ZC4H2: variants seen among roughly 807,000 people sequenced by gnomAD.
ZC4H2 encodes the protein zinc finger C4H2 domain-containing protein.
For synonymous variants in ZC4H2, 84 were observed against 66.3 expected (o/e 1.27, Z -1.30); for missense variants, 137 against 173.9 (o/e 0.79, Z 1.19).
intron 1 of ZC4H2, among the ~76,000 whole-genome samples, chrX:64,938,206 A>G (rs1930103071): frequency 8.9e-6 from 1 of 112,021 alleles, no homozygotes; most frequent in South Asian, 3.7e-4. Flanking sequence ...AAATTCCTGG[A>G]CAAATACACC....
chrX:64,994,077 G>A (rs760501171), intron 1 of ZC4H2, among the ~76,000 whole-genome samples: 1 of 112,115 alleles, frequency 8.9e-6, no homozygotes, highest in African/African-American at 3.2e-5. Context: ...AATGCCTCAA[G>A]TATTTTATTT....
chrX:64,926,966 C>T (rs185806834), intron 1 of ZC4H2, among the ~76,000 whole-genome samples: 1 of 111,618 alleles, frequency 9.0e-6, no homozygotes, highest in African/African-American at 3.3e-5. Context: ...TGTTTTCTCA[C>T]TGTTGAGTTT....
intron 1 of ZC4H2, among the ~76,000 whole-genome samples, chrX:64,924,947 G>C (rs1037473853): frequency 2.7e-5 from 3 of 111,246 alleles, no homozygotes; most frequent in African/African-American, 9.8e-5. Context: ...GACGTTATCT[G>C]ATCATCTCAC....
intron 1 of ZC4H2, among the ~76,000 whole-genome samples, chrX:64,940,891 G>C (rs2147374204): frequency 9.0e-6 from 1 of 111,406 alleles, no homozygotes; most frequent in Non-Finnish European, 1.9e-5. Context: ...GCTCTTTTTT[G>C]GTTCCACATG....
chrX:64,952,270 A>G (rs1930884900), intron 1 of ZC4H2, among the ~76,000 whole-genome samples: 1 of 109,474 alleles, frequency 9.1e-6, no homozygotes, highest in South Asian at 3.9e-4. Flanking sequence ...CTTAGGATTG[A>G]CTTGGCAATG....
chrX:64,953,420 C>T (rs1483881884), intron 1 of ZC4H2, among the ~76,000 whole-genome samples: 1 of 112,049 alleles, frequency 8.9e-6, no homozygotes, highest in African/African-American at 3.2e-5. Context: ...GCAATGTACT[C>T]ATCTGACAAA....
intron 3 of ZC4H2, 27 bp from the exon 4 acceptor site, chrX:64,919,231 A>G: frequency 1.7e-6 from 2 of 1,207,417 alleles, no homozygotes; most frequent in South Asian, 1.8e-5. Context: ...CACTGGCTAG[A>G]TCATTCTGAA....
chrX:64,990,618 T>G (rs1932291813), intron 1 of ZC4H2, among the ~76,000 whole-genome samples: 1 of 111,926 alleles, frequency 8.9e-6, no homozygotes, highest in East Asian at 2.8e-4. Context: ...TTGTTTATCT[T>G]GATTACTGAG....
chrX:64,988,044 T>A (rs1182127020), intron 1 of ZC4H2, among the ~76,000 whole-genome samples: 5 of 108,880 alleles, frequency 4.6e-5, no homozygotes, highest in African/African-American at 1.7e-4. Context: ...TTCATCCATG[T>A]CCCTACAAAG....
intron 1 of ZC4H2, among the ~76,000 whole-genome samples, chrX:65,034,382 T>C (rs1402486532): frequency 8.9e-6 from 1 of 111,905 alleles, no homozygotes; most frequent in African/African-American, 3.3e-5. Flanking sequence ...TCAGAGAAGT[T>C]ATTTAGAAAA....
intron 1 of ZC4H2, among the ~76,000 whole-genome samples, chrX:64,991,650 A>T (rs750053503): frequency 2.7e-5 from 3 of 112,084 alleles, no homozygotes; most frequent in Non-Finnish European, 5.6e-5. Flanking sequence ...TACCCATATG[A>T]CTCATTAATT....
At chrX:64,936,216 T>A (rs1002822788) in intron 1 of ZC4H2, among the ~76,000 whole-genome samples, 2 of 108,502 alleles carry the variant, frequency 1.8e-5, no homozygotes, top group African/African-American at 6.7e-5. Flanking sequence ...GAAGACAAGA[T>A]TAGAGAAAAA....
chrX:64,987,461 TG>T (rs758512917), intron 1 of ZC4H2, among the ~76,000 whole-genome samples: 12 of 98,557 alleles, frequency 1.2e-4, no homozygotes, highest in African/African-American at 5.3e-4. Flanking sequence ...ACTGGTTTGC[TG>T]GGTTTTTTTT....
rs189773576 is a variant in ZC4H2, at chrX:64,998,989, C to A, written c.-272+35640G>T. On this transcript the variant is annotated intron_variant, in intron 1 of 4. Transcript: ENST00000337990. ...CATCCTTTCATTTTTTTATTTGTGT[C>A]TTTGGATTGAAAGTGAATCTCTTGT... 3.4e-3 allele frequency among the ~76,000 whole-genome samples: 190 copies of A among 56,022 alleles called. No homozygotes were observed. The Middle Eastern group carries it at 0.048, about 14-fold the overall frequency. The allele number at this position is 56,022 out of a possible 115,157, so 48.6% of individuals were successfully genotyped here.
intron 1 of ZC4H2, among the ~76,000 whole-genome samples, chrX:64,993,125 C>T (rs1932342556): frequency 1.8e-5 from 2 of 112,432 alleles, no homozygotes; most frequent in Non-Finnish European, 3.8e-5. Flanking sequence ...TTCAGATAAA[C>T]AACAAATACT....
chrX:64,921,438 A>G (rs917715748), intron 2 of ZC4H2, among the ~76,000 whole-genome samples: 52 of 112,136 alleles, frequency 4.6e-4, no homozygotes, highest in African/African-American at 1.7e-3. Flanking sequence ...GTTTGGTCTG[A>G]CTGAAAGCTT....
At chrX:64,919,314 A>G in intron 3 of ZC4H2, 110 bp from the exon 4 acceptor site, 1 of 904,190 alleles carries the variant, frequency 1.1e-6, no homozygotes, top group African/African-American at 1.9e-5. Context: ...CTCATTCTAG[A>G]AGGTCCCCAC....
intron 1 of ZC4H2, among the ~76,000 whole-genome samples, chrX:64,934,719 C>G (rs1388862317): frequency 8.9e-6 from 1 of 111,864 alleles, no homozygotes; most frequent in African/African-American, 3.2e-5. Context: ...GGCATCGCCT[C>G]AACTGGGAAG....
intron 1 of ZC4H2, among the ~76,000 whole-genome samples, chrX:65,030,962 T>C (rs944270440): frequency 9.0e-6 from 1 of 111,452 alleles, no homozygotes; most frequent in African/African-American, 3.3e-5. Flanking sequence ...GCTCCTTGTT[T>C]ATAAATTCCC....
Sources: gnomAD v4.1 joint callset for allele counts (sites outside exome capture counted in the v4.1 genomes callset) on GRCh38, gnomAD v4.1.1 for gene constraint, MANE v1.5 for transcripts, NCBI Gene and HGNC (gene_info 2026-07-23, HGNC 2026-07-21) for gene names.